CCDC7: variants seen among roughly 807,000 people sequenced by gnomAD.
The protein encoded by CCDC7 is coiled-coil domain-containing protein 7.
In CCDC7, 183 loss-of-function variants were observed where a neutral mutation model predicts 196.9. The observed-to-expected ratio is 0.93, with a 90% confidence interval of 0.82 to 1.05. The LOEUF (loss-of-function observed/expected upper bound fraction) is 1.05, where lower values mean the gene tolerates loss of function less well. Ranked by LOEUF, CCDC7 falls within the 50% of genes least tolerant of loss-of-function variation. CCDC7 has a pLI of 0.00. For synonymous variants in CCDC7, 525 were observed against 484.6 expected (o/e 1.08, Z -1.10); for missense variants, 1,540 against 1,482.2 (o/e 1.04, Z -0.64).
intron 25 of CCDC7, among the ~76,000 whole-genome samples, chr10:32,715,761 G>C (rs566938213): frequency 6.6e-6 from 1 of 152,132 alleles, no homozygotes; most frequent in Non-Finnish European, 1.5e-5. Flanking sequence ...GCATACACAA[G>C]TATCAATAGA....
At chr10:32,450,331 C>T (rs1429616978), upstream of CCDC7, among the ~76,000 whole-genome samples, 3 of 152,148 alleles carry the variant, frequency 2.0e-5, no homozygotes, top group African/African-American at 4.8e-5. Context: ...TAGGACCCAC[C>T]TTAATTCAGT....
At chr10:32,746,715 G>A (rs141170218) in intron 28 of CCDC7, among the ~76,000 whole-genome samples, 115 of 152,222 alleles carry the variant, frequency 7.6e-4, no homozygotes, top group African/African-American at 2.4e-3. Flanking sequence ...AGCAGACCTC[G>A]GCTAACCATC....
intron 28 of CCDC7, among the ~76,000 whole-genome samples, chr10:32,777,009 C>T (rs1287289024): frequency 1.3e-5 from 2 of 152,074 alleles, no homozygotes; most frequent in Admixed American, 6.6e-5. Flanking sequence ...ATGCATCACC[C>T]AGATAGCATA....
chr10:32,758,328 G>A (rs541420229), intron 28 of CCDC7, among the ~76,000 whole-genome samples: 8 of 152,266 alleles, frequency 5.3e-5, no homozygotes, highest in East Asian at 3.9e-4. Context: ...TATCCCTGAT[G>A]AGCATTGATG....
At chr10:32,685,941 A>G in intron 21 of CCDC7, 29 bp from the exon 23 acceptor site, 1 of 1,258,944 alleles carries the variant, frequency 7.9e-7, no homozygotes, top group South Asian at 1.4e-5. Context: ...TTTTCTATTT[A>G]GTGGAATAAA....
At chr10:32,867,156 C>G (rs1051469812) in intron 41 of CCDC7, among the ~76,000 whole-genome samples, 4 of 151,454 alleles carry the variant, frequency 2.6e-5, no homozygotes, top group Admixed American at 2.0e-4. Context: ...CCAAAAAAAT[C>G]TATAAAGGAC....
At chr10:32,716,327 C>G (rs1482664322) in intron 25 of CCDC7, among the ~76,000 whole-genome samples, 4 of 152,148 alleles carry the variant, frequency 2.6e-5, no homozygotes, top group Non-Finnish European at 4.4e-5. Context: ...GAAACAAAAT[C>G]CATTACAGAC....
At chr10:32,849,246 AGTAACCACTTAG>A (rs986273481) in intron 39 of CCDC7, among the ~76,000 whole-genome samples, 1 of 152,110 alleles carries the variant, frequency 6.6e-6, no homozygotes, top group African/African-American at 2.4e-5. Context: ...AGCATAAAAC[AGTAACCACTTAG>A]GTAACTGATG....
At chr10:32,579,815 C>T (rs1418241712) in intron 16 of CCDC7, among the ~76,000 whole-genome samples, 2 of 152,092 alleles carry the variant, frequency 1.3e-5, no homozygotes, top group East Asian at 3.9e-4. Context: ...GATATGGACA[C>T]TGAGATATTG....
upstream of CCDC7, among the ~76,000 whole-genome samples, chr10:32,444,094 C>T (rs908556695): frequency 6.6e-6 from 1 of 151,714 alleles, no homozygotes. Flanking sequence ...TTTTTCTTGC[C>T]TTATTGCACT....
At chr10:32,543,550 A>T (rs1406452802) in intron 12 of CCDC7, among the ~76,000 whole-genome samples, 165 bp downstream of exon 13, 1 of 152,120 alleles carries the variant, frequency 6.6e-6, no homozygotes, top group Non-Finnish European at 1.5e-5. Flanking sequence ...TGATTATGGG[A>T]TAAAGCTAAA....
At position 32,729,051 on chromosome 10, in the gene CCDC7, A is replaced by T. The variant is rs148384393; in HGVS notation, c.2779+54A>T. ...AATTATTTTATGTTGAACTCATCAG[A>T]TCTTTTCCTTTGATTCGTCAGTGTG... On this transcript the variant is annotated intron_variant, in intron 27 of 41. Coordinates refer to ENST00000639629, the Ensembl canonical transcript of CCDC7. 3.1e-3 allele frequency: 3,898 copies of T among 1,243,526 alleles called. 7 individuals are homozygous for T. Among genetic ancestry groups the T allele is most frequent in the Non-Finnish European group, 4.0e-3 (3,533 of 878,832 alleles). The allele number at this position is 1,243,526 out of a possible 1,614,324, so 77.0% of individuals were successfully genotyped here.
chr10:32,672,209 G>C (rs1468485319), intron 21 of CCDC7, among the ~76,000 whole-genome samples: 1 of 152,198 alleles, frequency 6.6e-6, no homozygotes, highest in Non-Finnish European at 1.5e-5. Flanking sequence ...TCAAGGTGCA[G>C]ATTCCTGTGA....
downstream of CCDC7, chr10:32,876,622 C>A: frequency 2.8e-6 from 1 of 355,198 alleles, no homozygotes; most frequent in Non-Finnish European, 5.1e-6. Context: ...CTTTTCTTTT[C>A]AATTTTAAAG....
At chr10:32,869,486 T>C (rs1437202049) in intron 41 of CCDC7, among the ~76,000 whole-genome samples, 4 of 152,172 alleles carry the variant, frequency 2.6e-5, no homozygotes, top group Non-Finnish European at 4.4e-5. Flanking sequence ...CATGAGTAGA[T>C]TGCAAAAATT....
In CCDC7 at chr10:32,477,929, A is replaced by G. The variant is rs115417336; in HGVS notation, c.796+3906A>G. Among the ~76,000 whole-genome samples, 456 of 152,324 alleles carry G rather than the reference A, an allele frequency of 3.0e-3. 1 individual carries two copies. Among genetic ancestry groups the G allele is most frequent in the African/African-American group, 0.011 (437 of 41,564 alleles). Reference sequence around the variant, plus strand: ...TGAATCTATGGATTAAATGGACAAGAACTTGTATCTTAACAATATTGTATC... The same window carrying G: ...TGAATCTATGGATTAAATGGACAAGGACTTGTATCTTAACAATATTGTATC... On this transcript the variant is annotated intron_variant, in intron 8 of 41. Transcript: ENST00000639629.
intron 28 of CCDC7, among the ~76,000 whole-genome samples, chr10:32,775,519 T>C (rs1467194221): frequency 1.3e-5 from 2 of 152,192 alleles, no homozygotes; most frequent in African/African-American, 2.4e-5. Flanking sequence ...AAAACCGTAA[T>C]GCTCTAGATC....
At position 32,708,763 on chromosome 10, in the gene CCDC7, A is replaced by G. The variant is rs568105337; in HGVS notation, c.2459-2857A>G. ...CGTCAGAGAAATGCAAATCAAAACCACAATGAGATACCATCTCACACCACT... is the reference window on the plus strand; with the variant it reads ...CGTCAGAGAAATGCAAATCAAAACCGCAATGAGATACCATCTCACACCACT... On this transcript the variant is annotated intron_variant, in intron 24 of 41. Transcript: ENST00000639629. Among the ~76,000 whole-genome samples the G allele has an allele frequency of 2.0e-5, 3 of 152,340 alleles. No homozygotes were observed. The East Asian group carries it at 5.8e-4, about 29-fold the overall frequency.
At chr10:32,572,427 T>A (rs1434267139) in intron 16 of CCDC7, among the ~76,000 whole-genome samples, 1 of 152,048 alleles carries the variant, frequency 6.6e-6, no homozygotes, top group East Asian at 1.9e-4. Flanking sequence ...TACCATGGAG[T>A]AAAGAGGAAT....
Sources: gnomAD v4.1 joint callset for allele counts (sites outside exome capture counted in the v4.1 genomes callset) on GRCh38, gnomAD v4.1.1 for gene constraint, MANE v1.5 for transcripts, NCBI Gene and HGNC (gene_info 2026-07-23, HGNC 2026-07-21) for gene names.